Variants in LARGE1 observed in about 807,000 individuals in gnomAD.
LARGE1 encodes the protein xylosyl- and glucuronyltransferase LARGE1.
In LARGE1, 43 loss-of-function variants were observed where a neutral mutation model predicts 87.6. That is an observed-to-expected ratio of 0.49 (90% CI 0.38 to 0.63). LARGE1 has a LOEUF of 0.63. Ranked by LOEUF, LARGE1 falls within the 30% of genes least tolerant of loss-of-function variation. LARGE1 has a pLI of 0.00. For synonymous variants in LARGE1, 434 were observed against 394.6 expected (o/e 1.10, Z -1.18); for missense variants, 802 against 1,000.2 (o/e 0.80, Z 2.67).
the LARGE1 span, among the ~76,000 whole-genome samples, chr22:33,069,816 C>CTT: frequency 0.015 from 1,847 of 126,702 alleles, 49 homozygotes; most frequent in Non-Finnish European, 0.018. Flanking sequence ...TTATTACATT[C>CTT]TTTTTTTTTT....
At chr22:33,721,389 T>C (rs2083092278) in intron 2 of LARGE1, among the ~76,000 whole-genome samples, 1 of 152,248 alleles carries the variant, frequency 6.6e-6, no homozygotes, top group South Asian at 2.1e-4. Context: ...GGTGAGAATT[T>C]GAATGTGCAA....
intron 11 of LARGE1, among the ~76,000 whole-genome samples, chr22:33,252,256 C>T (rs1415737565): frequency 7.2e-6 from 1 of 138,812 alleles, no homozygotes; most frequent in East Asian, 2.4e-4. Flanking sequence ...TTCATTCCCC[C>T]CCCCCCCGCC....
chr22:33,858,117 C>G (rs568613064), intron 1 of LARGE1, among the ~76,000 whole-genome samples: 3 of 152,110 alleles, frequency 2.0e-5, no homozygotes, highest in Non-Finnish European at 4.4e-5. Context: ...CGTGGAACCC[C>G]GTGACTAGTG....
At chr22:33,759,393 G>T (rs552639359) in intron 2 of LARGE1, among the ~76,000 whole-genome samples, 3 of 152,158 alleles carry the variant, frequency 2.0e-5, no homozygotes, top group Non-Finnish European at 4.4e-5. Context: ...TCAAGCTCTT[G>T]AGTCCAATCC....
chr22:33,071,570 T>G, the LARGE1 span, among the ~76,000 whole-genome samples: 1 of 152,328 alleles, frequency 6.6e-6, no homozygotes, highest in East Asian at 1.9e-4. Flanking sequence ...CATATTGTTT[T>G]CAGGCATTGT....
chr22:33,620,388 G>A (rs928714177), intron 4 of LARGE1, among the ~76,000 whole-genome samples: 2 of 152,128 alleles, frequency 1.3e-5, no homozygotes, highest in Non-Finnish European at 2.9e-5. Context: ...TTTCCTTGAA[G>A]AGCAGCAATA....
intron 1 of LARGE1, among the ~76,000 whole-genome samples, chr22:33,840,062 G>A (rs2146404187): frequency 6.6e-6 from 1 of 152,320 alleles, no homozygotes; most frequent in Non-Finnish European, 1.5e-5. Flanking sequence ...CCTCCGAATT[G>A]AAGGTGGTAA....
the LARGE1 span, among the ~76,000 whole-genome samples, chr22:33,120,356 CTTTT>C: frequency 6.1e-4 from 53 of 86,546 alleles, no homozygotes; most frequent in African/African-American, 2.6e-3. Context: ...TCTTTTCTTT[CTTTT>C]TCTTTCTTTC....
chr22:33,202,352 C>G (rs373012079), intron 11 of LARGE1, among the ~76,000 whole-genome samples: 14 of 152,098 alleles, frequency 9.2e-5, no homozygotes, highest in Admixed American at 6.5e-4. Context: ...TCAGTGCTTC[C>G]CGGGGTGGAC....
the LARGE1 span, among the ~76,000 whole-genome samples, chr22:33,115,540 A>G: frequency 1.3e-5 from 2 of 151,438 alleles, no homozygotes; most frequent in South Asian, 4.2e-4. Flanking sequence ...AGAAGAGGCC[A>G]GGCGAGGTGG....
intron 1 of LARGE1, among the ~76,000 whole-genome samples, chr22:33,869,163 G>A (rs990085902): frequency 6.6e-6 from 1 of 152,010 alleles, no homozygotes; most frequent in Non-Finnish European, 1.5e-5. Context: ...CTTACCCTTG[G>A]AGCCAGCTCC....
intron 6 of LARGE1, among the ~76,000 whole-genome samples, chr22:33,532,734 A>G (rs1313416568): frequency 1.3e-5 from 2 of 152,256 alleles, no homozygotes; most frequent in Non-Finnish European, 2.9e-5. Context: ...CTGATTTGTC[A>G]GAATGCAAGC....
At chr22:33,090,174 C>T in the LARGE1 span, among the ~76,000 whole-genome samples, 4 of 152,162 alleles carry the variant, frequency 2.6e-5, no homozygotes, top group Non-Finnish European at 5.9e-5. Flanking sequence ...CACTGTAGTC[C>T]AGCCTGGGTG....
rs563512551 is a variant in LARGE1, at chr22:33,644,905, G to A, written c.408+5462C>T. Among the ~76,000 whole-genome samples the A allele has an allele frequency of 3.9e-3, 589 of 152,174 alleles. 6 individuals are homozygous for A. The highest frequency in any genetic ancestry group is 7.8e-3 in the Admixed American group (119 of 15,270). On this transcript the variant is annotated intron_variant, in intron 3 of 14. Coordinates refer to ENST00000397394, the MANE Select transcript of LARGE1 (RefSeq NM_133642.5). Reference sequence around the variant, plus strand: ...TACAAACCACTGCTCAAGGAAATAAGAGAGGACCCAAACAAATGGAAAAAC... The same window carrying A: ...TACAAACCACTGCTCAAGGAAATAAAAGAGGACCCAAACAAATGGAAAAAC...
intron 11 of LARGE1, among the ~76,000 whole-genome samples, chr22:33,266,755 G>A (rs2145765645): frequency 6.6e-6 from 1 of 151,598 alleles, no homozygotes; most frequent in East Asian, 1.9e-4. Flanking sequence ...ATCATATGAG[G>A]CCAACCAACA....
the LARGE1 span, among the ~76,000 whole-genome samples, chr22:33,068,217 G>T: frequency 6.6e-6 from 1 of 152,078 alleles, no homozygotes. Context: ...CCTCACTATG[G>T]GCAGGTGGCA....
At chr22:33,203,907 C>T (rs141419585) in intron 11 of LARGE1, among the ~76,000 whole-genome samples, 162 of 152,276 alleles carry the variant, frequency 1.1e-3, no homozygotes, top group African/African-American at 3.7e-3. Context: ...CCCTACACAA[C>T]TTAAAGGTGG....
chr22:33,181,080 T>G (rs1297993331), intron 11 of LARGE1, among the ~76,000 whole-genome samples: 1 of 152,194 alleles, frequency 6.6e-6, no homozygotes, highest in Non-Finnish European at 1.5e-5. Flanking sequence ...TAATTATATC[T>G]CAGTAAAGCT....
intron 4 of LARGE1, among the ~76,000 whole-genome samples, chr22:33,608,890 G>A (rs900710892): frequency 4.6e-5 from 7 of 152,128 alleles, no homozygotes; most frequent in African/African-American, 1.4e-4. Context: ...ATATTATACT[G>A]GATAATTGTG....
Sources: allele counts gnomAD v4.1 joint callset (sites outside exome capture counted in the v4.1 genomes callset), GRCh38; gene constraint gnomAD v4.1.1; transcripts MANE v1.5; gene names NCBI Gene and HGNC (gene_info 2026-07-23, HGNC 2026-07-21).